The following PFKP variants were observed in gnomAD, a reference collection of about 807,000 sequenced individuals.
PFKP encodes ATP-dependent 6-phosphofructokinase, platelet type.
PFKP carries 101 observed loss-of-function variants against 94.3 expected under a neutral mutation model. The ratio of observed to expected loss-of-function variants is 1.07; its 90% CI spans 0.91 to 1.26. PFKP has a LOEUF of 1.26. Among genes scored for constraint, PFKP ranks in the 50% most tolerant of loss-of-function variants. The probability of loss-of-function intolerance (pLI) is 0.00; values close to 1 mark genes in which losing one functional copy is unlikely to be tolerated. For missense variants in PFKP, 1,145 were observed against 1,103.3 expected (o/e 1.04, Z -0.53); for synonymous variants, 573 against 432.6 (o/e 1.32, Z -4.03).
At position 3,112,279 on chromosome 10, in the gene PFKP, C is replaced by T. The variant is rs372889422; in HGVS notation, c.1147C>T (p.Arg383Ter). ...ERRFQDAVRL[R>*]GRSFAGNLNT... is the part of the protein sequence containing the mutation. ...GAGATTTCAAGATGCGGTTCGACTC[C>T]GAGGGAGGTGAGGTGCTTTGGAGAA... is the stretch of plus-strand genomic sequence containing the variant. Residue 383 changes from arginine (R) to a stop codon, truncating the protein, a stop_gained, in exon 11 of 22, where the codon CGA becomes TGA. Coordinates refer to ENST00000381125, the MANE Select transcript of PFKP (RefSeq NM_002627.5). LOFTEE classifies it high-confidence loss of function. 22 of 1,612,728 alleles carry T rather than the reference C, an allele frequency of 1.4e-5. No individual in the cohort carries two copies. The highest frequency in any genetic ancestry group is 2.2e-5 in the East Asian group (1 of 44,884).
At chr10:3,135,341 C>G (rs1338281702) in intron 20 of PFKP, among the ~76,000 whole-genome samples, 1 of 152,260 alleles carries the variant, frequency 6.6e-6, no homozygotes, top group Non-Finnish European at 1.5e-5. Flanking sequence ...TTTTGAAGAA[C>G]TGACTTTGGC....
intron 1 of PFKP, among the ~76,000 whole-genome samples, chr10:3,079,271 G>A (rs917685150): frequency 6.6e-6 from 1 of 151,138 alleles, no homozygotes; most frequent in South Asian, 2.1e-4. Context: ...GTCTCGCTCT[G>A]TCGCCCAGGC....
rs767321592 is a variant in PFKP, at chr10:3,132,438, T to C, written c.1907T>C (p.Leu636Pro). The change falls in exon 18 of 22, where the codon CTC becomes CCC. Residue 636 changes from leucine to proline, a missense_variant. Physicochemically the swap from Leu to Pro is moderately conservative, Grantham distance 98. Around this residue, in one of 3 missense-constraint regions of PFKP, gnomAD observed 1,119 missense variants for 1,062.8 expected, o/e 1.05. Transcript: ENST00000381125. ...ACCACCATCCAGAGAGGCCTTGTGC[T>C]CAGGTGAGAGAGAGAGACCAGGGGC... ...MKTTIQRGLV[L>P]RNESCSENYT... 4 of 1,607,938 alleles carry C rather than the reference T, an allele frequency of 2.5e-6. No individual in the cohort carries two copies. In the African/African-American group the frequency reaches 4.0e-5, roughly 16 times the overall value.
chr10:3,081,533 G>A (rs1002563383), intron 1 of PFKP, among the ~76,000 whole-genome samples: 6 of 152,234 alleles, frequency 3.9e-5, no homozygotes, highest in Non-Finnish European at 7.3e-5. Flanking sequence ...AAGCAGCAGC[G>A]CTGCATGGCT....
chr10:3,124,214 T>C (rs746844384), intron 16 of PFKP, among the ~76,000 whole-genome samples: 11 of 152,122 alleles, frequency 7.2e-5, no homozygotes, highest in Non-Finnish European at 1.2e-4. Flanking sequence ...CTGCAGCAGA[T>C]GTGGGGATAT....
At chr10:3,108,896 C>T (rs934448274) in intron 9 of PFKP, 103 bp downstream of exon 9, 46 of 838,322 alleles carry the variant, frequency 5.5e-5, no homozygotes, top group South Asian at 4.4e-4. Context: ...AGGTGCTCCC[C>T]GAGAGATGCC....
intron 2 of PFKP, among the ~76,000 whole-genome samples, chr10:3,085,032 G>A (rs1294054076): frequency 0.033 from 2 of 60 alleles, no homozygotes; most frequent in African/African-American, 0.056. Flanking sequence ...TCCCCAGCAC[G>A]GTCCCCCACT....
intron 9 of PFKP, 136 bp downstream of exon 9, chr10:3,108,929 C>CGGCCCTTAA (rs895242328): frequency 1.5e-5 from 10 of 687,764 alleles, no homozygotes; most frequent in Non-Finnish European, 2.6e-5. Flanking sequence ...CTCATCTTAA[C>CGGCCCTTAA]GATCCTTGAG....
intron 1 of PFKP, among the ~76,000 whole-genome samples, chr10:3,077,535 G>C (rs1048352866): frequency 1.3e-5 from 2 of 151,724 alleles, no homozygotes; most frequent in African/African-American, 4.8e-5. Context: ...CAAAGTGCTG[G>C]GATTACAGGC....
At chr10:3,128,610 C>CATGCCTTGT (rs1554778553) in intron 16 of PFKP, among the ~76,000 whole-genome samples, 3 of 149,044 alleles carry the variant, frequency 2.0e-5, no homozygotes, top group African/African-American at 7.4e-5. Flanking sequence ...GCGGGCCTTG[C>CATGCCTTGT]ACGCCTTGTA....
chr10:3,079,657 CGGGGT>C lies in PFKP; in HGVS notation c.113-2726_113-2722del, dbSNP rs1246721435. On this transcript the variant is annotated intron_variant, in intron 1 of 21. Transcript: ENST00000381125. ...CGGTGGGAACGAGGTCTTCAGAGAG[CGGGGT>C]GGGGGGGGGGGGAAGAGGAGCAGGG... Among the ~76,000 whole-genome samples the C allele has an allele frequency of 1.8e-3, 14 of 7,812 alleles. 1 individual carries two copies. Among genetic ancestry groups the C allele is most frequent in the Non-Finnish European group, 3.4e-3 (11 of 3,242 alleles). The allele number at this position is 7,812 out of a possible 152,430, so 5.1% of individuals were successfully genotyped here.
At chr10:3,101,611 GAACCGACAGGTT>G in intron 4 of PFKP, 57 bp downstream of exon 4, 1 of 1,255,692 alleles carries the variant, frequency 8.0e-7, no homozygotes, top group East Asian at 2.7e-5. Context: ...CAGAGCTTTG[GAACCGACAGGTT>G]TCCCTCTTCA....
At chr10:3,101,025 A>G in intron 3 of PFKP, 1 of 1,585,960 alleles carries the variant, frequency 6.3e-7, no homozygotes, top group African/African-American at 1.3e-5. Flanking sequence ...CTTTGGTTCC[A>G]CGTGCACCTG....
intron 1 of PFKP, among the ~76,000 whole-genome samples, chr10:3,073,830 T>TTTTGTTTG (rs955432115): frequency 6.6e-6 from 1 of 150,692 alleles, no homozygotes; most frequent in African/African-American, 2.5e-5. Flanking sequence ...TGTGTGTTTT[T>TTTTGTTTG]TTTGTTTGTT....
In PFKP at chr10:3,133,282, T is replaced by G; in HGVS notation, c.1990T>G (p.Cys664Gly). Residue 664 changes from cysteine (C) to glycine (G), a missense_variant, in exon 19 of 22, where the codon TGC becomes GGC. This residue lies in a region of PFKP where 1,119 missense variants were observed against 1,062.8 expected (regional missense o/e 1.05). Coordinates refer to ENST00000381125, the MANE Select transcript of PFKP (RefSeq NM_002627.5). ...YSEEGKGVFD[C>G]RKNVLGHMQQ... Reference sequence around the variant, plus strand: ...AGAAGAGGGCAAAGGCGTGTTTGACTGCAGGAAGAACGTGCTGGGTCACAT... The same window carrying G: ...AGAAGAGGGCAAAGGCGTGTTTGACGGCAGGAAGAACGTGCTGGGTCACAT... 3 of 1,614,000 alleles carry G rather than the reference T, an allele frequency of 1.9e-6. No individual in the cohort carries two copies. Among genetic ancestry groups the G allele is most frequent in the Non-Finnish European group, 2.5e-6 (3 of 1,179,836 alleles).
intron 13 of PFKP, among the ~76,000 whole-genome samples, chr10:3,116,111 C>G (rs1294073195): frequency 6.7e-6 from 1 of 149,172 alleles, no homozygotes; most frequent in Non-Finnish European, 1.5e-5. Flanking sequence ...GAAAAAAAAG[C>G]CTGATTTATA....
intron 16 of PFKP, among the ~76,000 whole-genome samples, chr10:3,124,251 C>T (rs988280559): frequency 1.3e-5 from 2 of 152,226 alleles, no homozygotes; most frequent in Admixed American, 6.5e-5. Context: ...ACGTCCAAGA[C>T]CATAAATAGT....
chr10:3,115,275 G>C (rs1836671809), intron 13 of PFKP, among the ~76,000 whole-genome samples: 1 of 151,786 alleles, frequency 6.6e-6, no homozygotes, highest in South Asian at 2.1e-4. Context: ...GAAAGTGTGT[G>C]TCCCACGGCG....
chr10:3,133,725 C>G (rs4881105), intron 19 of PFKP, among the ~76,000 whole-genome samples: 21,803 of 152,196 alleles, frequency 0.14, 1,680 homozygotes, highest in East Asian at 0.28. Context: ...GCCACTGTGC[C>G]CAGCCAAAAC....
Sources: allele counts gnomAD v4.1 joint callset (sites outside exome capture counted in the v4.1 genomes callset), GRCh38; gene constraint gnomAD v4.1.1; regional missense constraint gnomAD v4.1.1; transcripts MANE v1.5; gene names NCBI Gene and HGNC (gene_info 2026-07-23, HGNC 2026-07-21).